Variants in ARHGEF38 observed in about 807,000 individuals in gnomAD.
ARHGEF38 encodes Rho guanine nucleotide exchange factor 38.
ARHGEF38 carries 79 observed loss-of-function variants against 79.9 expected under a neutral mutation model. The observed-to-expected ratio is 0.99, with a 90% CI of 0.82 to 1.19. The LOEUF (loss-of-function observed/expected upper bound fraction) is 1.19. Among genes scored for constraint, ARHGEF38 ranks in the 50% most tolerant of loss-of-function variants. The pLI is 0.00. For missense variants in ARHGEF38, 962 were observed against 907.2 expected, an observed-to-expected ratio of 1.06 and a Z score of -0.78; for synonymous variants, 366 against 328.3, an observed-to-expected ratio of 1.11 and a Z score of -1.24.
intron 1 of ARHGEF38, among the ~76,000 whole-genome samples, chr4:105,582,145 A>G: frequency 7.3e-6 from 1 of 136,886 alleles, no homozygotes; most frequent in African/African-American, 2.8e-5. Flanking sequence ...AGCCTGGGCG[A>G]CAGAGCTAGA....
chr4:105,646,048 A>G (rs1457981541), intron 6 of ARHGEF38, among the ~76,000 whole-genome samples: 1 of 152,176 alleles, frequency 6.6e-6, no homozygotes, highest in Non-Finnish European at 1.5e-5. Flanking sequence ...CCTCAGTGTG[A>G]TTTGTGTTCA....
chr4:105,561,127 C>T (rs1250462558), intron 1 of ARHGEF38, among the ~76,000 whole-genome samples: 1 of 152,084 alleles, frequency 6.6e-6, no homozygotes, highest in African/African-American at 2.4e-5. Flanking sequence ...GTGGCTCATG[C>T]CTGTAATCCC....
chr4:105,670,365 A>C (rs1160272311), intron 13 of ARHGEF38, among the ~76,000 whole-genome samples: 1 of 151,980 alleles, frequency 6.6e-6, no homozygotes, highest in East Asian at 1.9e-4. Context: ...CTGGGGTTTT[A>C]ATTTGCATTT....
At position 105,624,793 on chromosome 4, in the gene ARHGEF38, G is replaced by A. The variant is rs904415796; in HGVS notation, c.509-6105G>A. ...CCCATCCAAGGAGGATAAGAAGACC[G>A]CGGGGAGCAACCCTTGAACTTGGGG... On this transcript the variant is annotated intron_variant, in intron 3 of 13. Coordinates refer to ENST00000420470, the MANE Select transcript of ARHGEF38 (RefSeq NM_001242729.2). Among the ~76,000 whole-genome samples the A allele has an allele frequency of 4.6e-5, 7 of 152,184 alleles. No homozygotes were observed. The East Asian group carries it at 5.8e-4, about 13-fold the overall frequency.
intron 1 of ARHGEF38, among the ~76,000 whole-genome samples, chr4:105,578,998 T>C (rs1008790822): frequency 1.1e-4 from 17 of 152,292 alleles, no homozygotes; most frequent in African/African-American, 3.8e-4. Flanking sequence ...ATAAGCCCTG[T>C]GGATTTTATG....
chr4:105,643,534 C>T (rs1037155624), intron 5 of ARHGEF38, among the ~76,000 whole-genome samples: 5 of 152,100 alleles, frequency 3.3e-5, no homozygotes, highest in African/African-American at 9.7e-5. Context: ...CATTTATTCA[C>T]GTTTTTGGAA....
At chr4:105,604,443 CT>C (rs1186210426) in intron 2 of ARHGEF38, among the ~76,000 whole-genome samples, 1 of 152,156 alleles carries the variant, frequency 6.6e-6, no homozygotes, top group Non-Finnish European at 1.5e-5. Context: ...TTTCAGCCTT[CT>C]TTTTTCCTTT....
chr4:105,573,421 G>A (rs186511896), intron 1 of ARHGEF38, among the ~76,000 whole-genome samples: 1 of 152,158 alleles, frequency 6.6e-6, no homozygotes, highest in African/African-American at 2.4e-5. Context: ...GTTAGATAAG[G>A]GTCTAACTTC....
chr4:105,589,759 G>A (rs1727234794), intron 2 of ARHGEF38, among the ~76,000 whole-genome samples: 1 of 152,158 alleles, frequency 6.6e-6, no homozygotes. Flanking sequence ...AAGGCCGGGT[G>A]CTGTGGCTCA....
chr4:105,682,553 A>T (rs1237651398), downstream of ARHGEF38: 18 of 544,566 alleles, frequency 3.3e-5, no homozygotes, highest in South Asian at 8.8e-5. Flanking sequence ...AAAATGTTGA[A>T]GATTGATTTA....
At chr4:105,582,624 A>C (rs1726851784) in intron 1 of ARHGEF38, among the ~76,000 whole-genome samples, 1 of 152,152 alleles carries the variant, frequency 6.6e-6, no homozygotes, top group Non-Finnish European at 1.5e-5. Flanking sequence ...ATTCTTTGAA[A>C]TGTTATAACT....
chr4:105,627,287 T>A (rs1265645018), intron 3 of ARHGEF38, among the ~76,000 whole-genome samples: 1 of 152,136 alleles, frequency 6.6e-6, no homozygotes, highest in African/African-American at 2.4e-5. Flanking sequence ...AATCACTGAC[T>A]TTACCCTTGT....
At chr4:105,595,162 C>G (rs568009119) in intron 2 of ARHGEF38, among the ~76,000 whole-genome samples, 1 of 152,276 alleles carries the variant, frequency 6.6e-6, no homozygotes, top group Admixed American at 6.5e-5. Context: ...AATTCCTCAG[C>G]TACTCGGTTT....
chr4:105,584,490 G>A (rs1400262449), intron 1 of ARHGEF38, among the ~76,000 whole-genome samples: 4 of 152,114 alleles, frequency 2.6e-5, no homozygotes, highest in African/African-American at 9.7e-5. Context: ...ACTTACAGAT[G>A]AGAAAATTGA....
At chr4:105,667,856 A>C (rs1304828366) in intron 13 of ARHGEF38, among the ~76,000 whole-genome samples, 153 bp downstream of exon 13, 3 of 152,228 alleles carry the variant, frequency 2.0e-5, no homozygotes, top group South Asian at 4.1e-4. Flanking sequence ...TTTTGTAAGG[A>C]GTTTAATTCC....
rs140173076 is a variant in ARHGEF38, at chr4:105,673,193, A to T, written c.2149-4559A>T. Among the ~76,000 whole-genome samples the T allele has an allele frequency of 4.9e-4, 75 of 152,198 alleles. 1 individual carries two copies. Among genetic ancestry groups the T allele is most frequent in the African/African-American group, 1.7e-3 (70 of 41,542 alleles). ...AGAAGTTCCAGTCACAGTCAAGGGGAGGAGATTATATAGAACATGTACAAT... is the reference window on the plus strand; with the variant it reads ...AGAAGTTCCAGTCACAGTCAAGGGGTGGAGATTATATAGAACATGTACAAT... On this transcript the variant is annotated intron_variant, in intron 13 of 13. Coordinates refer to ENST00000420470, the MANE Select transcript of ARHGEF38 (RefSeq NM_001242729.2).
Position 105,653,201 on chromosome 4 carries a change from CA to C in ARHGEF38, c.1009-856del, listed in dbSNP as rs376461040. ...TCTAATGGATGTACATGTAAGATGA[CA>C]AAAAAAACTGAATACATGTGACACT... On this transcript the variant is annotated intron_variant, in intron 7 of 13. Transcript: ENST00000420470. Among the ~76,000 whole-genome samples the C allele has an allele frequency of 2.5e-3, 370 of 150,796 alleles. 1 individual carries two copies. Among genetic ancestry groups the C allele is most frequent in the Middle Eastern group, 0.014 (4 of 290 alleles).
chr4:105,647,284 C>G (rs923871321), intron 6 of ARHGEF38, among the ~76,000 whole-genome samples: 12 of 152,066 alleles, frequency 7.9e-5, no homozygotes, highest in East Asian at 7.7e-4. Flanking sequence ...CTTTCTCTCT[C>G]TCTTCCTCTC....
chr4:105,659,839 A>G (rs1348718615), intron 10 of ARHGEF38, among the ~76,000 whole-genome samples: 1 of 143,044 alleles, frequency 7.0e-6, no homozygotes, highest in Admixed American at 6.9e-5. Context: ...CAAGAAAGAG[A>G]AGCCTGGTTT....
Sources: gnomAD v4.1 joint callset for allele counts (sites outside exome capture counted in the v4.1 genomes callset) on GRCh38, gnomAD v4.1.1 for gene constraint, MANE v1.5 for transcripts, NCBI Gene and HGNC (gene_info 2026-07-23, HGNC 2026-07-21) for gene names.